SEMA4D: variants seen among roughly 807,000 people sequenced by gnomAD.
SEMA4D encodes the protein semaphorin-4D.
SEMA4D carries 22 observed loss-of-function variants against 74.8 expected under a neutral mutation model. The ratio of observed to expected loss-of-function variants is 0.29; its 90% CI spans 0.21 to 0.42. The LOEUF (loss-of-function observed/expected upper bound fraction) is 0.42, where lower values mean the gene tolerates loss of function less well. SEMA4D is among the 10% of genes least tolerant of loss of function. SEMA4D has a pLI of 1.00. For missense variants in SEMA4D, 937 were observed against 1,118.4 expected (o/e 0.84, Z 2.31); for synonymous variants, 445 against 463.7 (o/e 0.96, Z 0.52).
intron 3 of SEMA4D, 126 bp from the exon 4 acceptor site, chr9:89,403,142 C>G: frequency 1.8e-6 from 2 of 1,124,830 alleles, no homozygotes; most frequent in African/African-American, 1.5e-5. Flanking sequence ...AGTCATGTCT[C>G]GAGGGCCATG....
chr9:89,366,905 C>T (rs998869880), intron 16 of SEMA4D, among the ~76,000 whole-genome samples: 9 of 152,128 alleles, frequency 5.9e-5, no homozygotes, highest in Non-Finnish European at 1.2e-4. Context: ...CATGACCAAG[C>T]CCTTGAGACT....
chr9:89,380,111 C>T (rs901485874), intron 15 of SEMA4D, among the ~76,000 whole-genome samples: 1 of 152,122 alleles, frequency 6.6e-6, no homozygotes, highest in African/African-American at 2.4e-5. Context: ...CAGCTCACTG[C>T]AGCTTCAACC....
At chr9:89,362,910 C>CAGGGAGCCTCT (rs909439355) in intron 18 of SEMA4D, among the ~76,000 whole-genome samples, 14 of 152,160 alleles carry the variant, frequency 9.2e-5, no homozygotes, top group African/African-American at 3.4e-4. Context: ...CGTGGGGAGA[C>CAGGGAGCCTCT]AGGGAGCCTC....
At chr9:89,400,369 G>C (rs1319126129) in intron 4 of SEMA4D, among the ~76,000 whole-genome samples, 1 of 152,228 alleles carries the variant, frequency 6.6e-6, no homozygotes, top group Non-Finnish European at 1.5e-5. Context: ...CTCTCTCTGT[G>C]ATGTTCCATA....
chr9:89,435,655 T>C (rs1187748933), intron 2 of SEMA4D, among the ~76,000 whole-genome samples: 1 of 152,122 alleles, frequency 6.6e-6, no homozygotes, highest in Non-Finnish European at 1.5e-5. Flanking sequence ...TCAGCAAAGA[T>C]CCTGAACATC....
intron 13 of SEMA4D, chr9:89,384,970 T>C: frequency 2.0e-6 from 2 of 985,352 alleles, no homozygotes; most frequent in Non-Finnish European, 2.4e-6. Context: ...CTAAGCCACG[T>C]CCCCACGAAT....
At chr9:89,464,812 G>A (rs557162140) in intron 1 of SEMA4D, among the ~76,000 whole-genome samples, 1 of 152,050 alleles carries the variant, frequency 6.6e-6, no homozygotes, top group South Asian at 2.1e-4. Flanking sequence ...GGATAAGCCT[G>A]AGTTACCACG....
chr9:89,441,764 C>A (rs1851716470), intron 2 of SEMA4D, among the ~76,000 whole-genome samples: 1 of 152,216 alleles, frequency 6.6e-6, no homozygotes, highest in Non-Finnish European at 1.5e-5. Context: ...GTCCAGCTTT[C>A]CTGCCTGGGC....
At chr9:89,416,253 T>C (rs1373034869) in intron 2 of SEMA4D, among the ~76,000 whole-genome samples, 2 of 152,200 alleles carry the variant, frequency 1.3e-5, no homozygotes, top group Non-Finnish European at 2.9e-5. Context: ...CAGCAAACTA[T>C]GTGTGCACAG....
At chr9:89,423,237 G>A (rs1433256512) in intron 2 of SEMA4D, among the ~76,000 whole-genome samples, 1 of 150,738 alleles carries the variant, frequency 6.6e-6, no homozygotes, top group Non-Finnish European at 1.5e-5. Context: ...TGTTGCCCAG[G>A]CTGGAGTGCA....
chr9:89,483,522 T>C (rs1373280221), intron 1 of SEMA4D, among the ~76,000 whole-genome samples: 1 of 152,154 alleles, frequency 6.6e-6, no homozygotes, highest in East Asian at 1.9e-4. Flanking sequence ...TAATAATACA[T>C]AGTGTACACA....
At chr9:89,411,739 G>A (rs895881109) in intron 2 of SEMA4D, among the ~76,000 whole-genome samples, 2 of 152,228 alleles carry the variant, frequency 1.3e-5, no homozygotes, top group Admixed American at 6.5e-5. Context: ...ATGACCCCCT[G>A]AAGGGAGGCT....
At chr9:89,447,871 G>A (rs2135332214) in intron 2 of SEMA4D, among the ~76,000 whole-genome samples, 1 of 152,218 alleles carries the variant, frequency 6.6e-6, no homozygotes, top group Admixed American at 6.5e-5. Context: ...CATGCATACG[G>A]TGCTCCTCCC....
chr9:89,489,983 T>C (rs1825496340), intron 1 of SEMA4D, among the ~76,000 whole-genome samples: 1 of 152,238 alleles, frequency 6.6e-6, no homozygotes, highest in Non-Finnish European at 1.5e-5. Flanking sequence ...ATGAGGGTTC[T>C]AATTTCTCCA....
intron 1 of SEMA4D, among the ~76,000 whole-genome samples, chr9:89,466,785 A>G (rs1858842665): frequency 6.6e-6 from 1 of 152,194 alleles, no homozygotes; most frequent in Non-Finnish European, 1.5e-5. Context: ...GGCGGCTACC[A>G]GGTCACAAGC....
chr9:89,383,168 G>C (rs1290428579), intron 13 of SEMA4D, among the ~76,000 whole-genome samples: 1 of 152,228 alleles, frequency 6.6e-6, no homozygotes, highest in East Asian at 1.9e-4. Flanking sequence ...CAGTGGGTGG[G>C]AGAACAGGGC....
At chr9:89,362,215 G>C in exon 19 of SEMA4D, 1 of 910,942 alleles carries the variant, frequency 1.1e-6, no homozygotes, top group Non-Finnish European at 1.7e-6. Flanking sequence ...GGCCCACTTG[G>C]GTTCCAGGCT....
intron 13 of SEMA4D, chr9:89,384,793 G>T: frequency 2.0e-6 from 2 of 985,412 alleles, no homozygotes; most frequent in Non-Finnish European, 2.4e-6. Context: ...CACCGTGAGA[G>T]AGCCTGATGG....
rs551463110 is a variant in SEMA4D, at chr9:89,455,665, T to A, written c.-244+223A>T. The stretch of plus-strand genomic sequence containing the variant: ...GCCCCACCCACTCTGACTTCCTCTA[T>A]ATCCACATCCCCTAAACCGACCCTT... On this transcript the variant is annotated intron_variant, in intron 2 of 15. Coordinates refer to ENST00000422704, the MANE Select transcript of SEMA4D (RefSeq NM_001371194.2). 1.2e-4 allele frequency among the ~76,000 whole-genome samples: 18 copies of A among 152,286 alleles called. No homozygotes were observed. The East Asian group carries it at 3.1e-3, about 26-fold the overall frequency.
Sources: gnomAD v4.1 joint callset for allele counts (sites outside exome capture counted in the v4.1 genomes callset) on GRCh38, gnomAD v4.1.1 for gene constraint, MANE v1.5 for transcripts, NCBI Gene and HGNC (gene_info 2026-07-23, HGNC 2026-07-21) for gene names.